Variants in TUBG1 observed in about 807,000 individuals in gnomAD.
The protein encoded by TUBG1 is tubulin gamma-1 chain.
A neutral mutation model predicts 53.3 loss-of-function variants in TUBG1; 22 were observed. That is an observed-to-expected ratio of 0.41 (90% confidence interval 0.29 to 0.59). The LOEUF is 0.59. Among genes scored for constraint, TUBG1 ranks in the 20% least tolerant of loss-of-function variants. The probability of loss-of-function intolerance (pLI) is 0.26; values close to 1 mark genes in which losing one functional copy is unlikely to be tolerated. For synonymous variants in TUBG1, 198 were observed against 236.7 expected (o/e 0.84, Z 1.50); for missense variants, 217 against 598.9 (o/e 0.36, Z 6.66).
Position 42,615,137 on chromosome 17 carries a change from A to C in TUBG1, c.*96A>C. On this transcript the variant is annotated 3_prime_UTR_variant, in exon 11 of 11. Coordinates refer to ENST00000251413, the MANE Select transcript of TUBG1 (RefSeq NM_001070.5). ...AGAGCACAGATCAGGGACCTCACGC[A>C]TCTCTTTCTCATATACATGGACTCT... 8.2e-7 allele frequency: 1 copy of C among 1,214,504 alleles called. No individual in the cohort carries two copies. Among genetic ancestry groups the C allele is most frequent in the Non-Finnish European group, 1.2e-6 (1 of 849,592 alleles). The allele number at this position is 1,214,504 out of a possible 1,614,324, so 75.2% of individuals were successfully genotyped here.
Position 42,614,477 on chromosome 17 carries a change from G to A in TUBG1, c.997-19G>A, listed in dbSNP as rs1233943292. The A allele has an allele frequency of 3.1e-6, 5 of 1,614,040 alleles. No individual in the cohort carries two copies. In the East Asian group the frequency reaches 8.9e-5, roughly 29 times the overall value. On this transcript the variant is annotated intron_variant, in intron 9 of 10. Transcript: ENST00000251413. The surrounding 1 kb of genome is among the most constrained non-coding windows in gnomAD (Gnocchi z 5.1). ...GGGTAGAGGAGAGGCCACCTCCACT[G>A]CTCCTATGCCCACCCCAGGTCCACA...
intron 3 of TUBG1, 24 bp from the exon 4 acceptor site, chr17:42,612,051 T>G: frequency 6.2e-7 from 1 of 1,613,512 alleles, no homozygotes; most frequent in Non-Finnish European, 8.5e-7. Flanking sequence ...TGTCCCACTC[T>G]GACCCTCCCC....
In TUBG1 at chr17:42,614,341, C is replaced by T. The variant is rs1567931872; in HGVS notation, c.925C>T (p.Arg309Ter). 3.7e-6 allele frequency: 6 copies of T among 1,613,902 alleles called. No homozygotes were observed. Among genetic ancestry groups the T allele is most frequent in the Non-Finnish European group, 5.1e-6 (6 of 1,179,848 alleles). The change falls in exon 9 of 11, where the codon CGA becomes TGA. Residue 309 changes from arginine (R) to a stop codon, truncating the protein, a stop_gained. Coordinates refer to ENST00000251413, the MANE Select transcript of TUBG1 (RefSeq NM_001070.5). LOFTEE classifies it high-confidence loss of function. The surrounding 1 kb of genome is among the most constrained non-coding windows in gnomAD (Gnocchi z 5.1). ...CAAGAACGTGATGGTGTCCACAGGCCGAGACCGCCAGACCAACCACTGCTA... is the reference window on the plus strand; with the variant it reads ...CAAGAACGTGATGGTGTCCACAGGCTGAGACCGCCAGACCAACCACTGCTA... Reference protein sequence around the residue: ...QPKNVMVSTGRDRQTNHCYIA... With the variant: ...QPKNVMVSTG
Position 42,613,919 on chromosome 17 carries a change from G to C in TUBG1, c.764G>C (p.Gly255Ala), listed in dbSNP as rs745938758. ...YPGYMNNDLI[G>A]LIASLIPTPR... ...GGCTACATGAACAATGACCTCATCG[G>C]CCTCATCGCCTCGCTCATTCCCACC... Residue 255 changes from glycine to alanine, a missense_variant, in exon 8 of 11, where the codon GGC (glycine) becomes GCC (alanine). Coordinates refer to ENST00000251413, the MANE Select transcript of TUBG1 (RefSeq NM_001070.5). The C allele has an allele frequency of 6.2e-7, 1 of 1,614,134 alleles. No homozygotes were observed. Among genetic ancestry groups the C allele is most frequent in the South Asian group, 1.1e-5 (1 of 91,080 alleles).
rs1488217928 is a variant in TUBG1, at chr17:42,614,099, G to A, written c.843+101G>A. On this transcript the variant is annotated intron_variant, in intron 8 of 10. Transcript: ENST00000251413. The surrounding 1 kb of genome is among the most constrained non-coding windows in gnomAD (Gnocchi z 5.1). ...CCCACTGCCCCAGGAGCTACCCTTT[G>A]TGGACCCCAAGGCGCGGCGCTCAGG... 1.3e-6 allele frequency: 2 copies of A among 1,593,300 alleles called. No homozygotes were observed. The highest frequency in any genetic ancestry group is 1.7e-6 in the Non-Finnish European group (2 of 1,168,922).
In TUBG1 at chr17:42,615,184, T is replaced by G. The variant is rs542017026; in HGVS notation, c.*143T>G. 1.4e-5 allele frequency: 10 copies of G among 707,868 alleles called. No homozygotes were observed. The African/African-American group carries it at 1.8e-4, about 13-fold the overall frequency. 43.8% of individuals were successfully genotyped at this position (707,868 alleles called of 1,614,324 possible). A position where few individuals can be genotyped will look rare whatever the true frequency, so the allele number is the denominator to read the frequency against. On this transcript the variant is annotated 3_prime_UTR_variant, in exon 11 of 11. Transcript: ENST00000251413. ...CTCTCTGTTGGCCTGCAAACACATTTACTTCTCCTCTTATGAGACTATTTA... is the reference window on the plus strand; with the variant it reads ...CTCTCTGTTGGCCTGCAAACACATTGACTTCTCCTCTTATGAGACTATTTA...
Position 42,614,212 on chromosome 17 carries a change from G to C in TUBG1, c.844-48G>C, listed in dbSNP as rs1457887069. On this transcript the variant is annotated intron_variant, in intron 8 of 10. Coordinates refer to ENST00000251413, the MANE Select transcript of TUBG1 (RefSeq NM_001070.5). This position sits in a 1 kb window ranked among gnomAD's most constrained non-coding sequence, Gnocchi z 5.1. ...TTCTGCCAAAGAGAAGCCAAAGGGG[G>C]ACTGTGCCCTGAGCGCTGGCCGGGT... The C allele has an allele frequency of 6.2e-7, 1 of 1,612,576 alleles. No homozygotes were observed.
rs770470291 is a variant in TUBG1 at position 42,614,268 on chromosome 17, C to T, written c.852C>T (p.Ser284=). The T allele has an allele frequency of 6.2e-6, 10 of 1,613,942 alleles. No homozygotes were observed. Among genetic ancestry groups the T allele is most frequent in the East Asian group, 2.2e-5 (1 of 44,878 alleles). The change falls in exon 9 of 11, where the codon AGC becomes AGT. Residue 284 remains serine (S), a synonymous_variant. Transcript: ENST00000251413. The surrounding 1 kb of genome is among the most constrained non-coding windows in gnomAD (Gnocchi z 5.1). ...TCTCACTGTCCTATCAGGTGGCCAG[C>T]GTGAGGAAGACCACGGTCCTGGATG... The part of the protein sequence containing the change: ...TPLTTDQSVA[S]VRKTTVLDVM...
chr17:42,610,617 C>T, intron 3 of TUBG1, 27 bp downstream of exon 3: 11 of 1,614,078 alleles, frequency 6.8e-6, no homozygotes, highest in Non-Finnish European at 9.3e-6. Flanking sequence ...TGGCAGGGCC[C>T]ACAACTCGCT....
chr17:42,615,165 G>T lies in TUBG1; in HGVS notation c.*124G>T. On this transcript the variant is annotated 3_prime_UTR_variant, in exon 11 of 11. Transcript: ENST00000251413. ...TCTTTCTCATATACATGGACTCTCT[G>T]TTGGCCTGCAAACACATTTACTTCT... The T allele has an allele frequency of 1.2e-6, 1 of 862,312 alleles. No homozygotes were observed. The highest frequency in any genetic ancestry group is 1.8e-6 in the Non-Finnish European group (1 of 555,440). 53.4% of individuals were successfully genotyped at this position (862,312 alleles called of 1,614,324 possible).
At chr17:42,613,606 T>C in intron 6 of TUBG1, 41 bp from the exon 7 acceptor site, 2 of 1,613,974 alleles carry the variant, frequency 1.2e-6, no homozygotes, top group Non-Finnish European at 1.7e-6. Context: ...CTCCTGTTTT[T>C]CTTATCCCCA....
At chr17:42,612,014 T>C in intron 3 of TUBG1, 61 bp from the exon 4 acceptor site, 1 of 1,559,292 alleles carries the variant, frequency 6.4e-7, no homozygotes. Flanking sequence ...GGGTGGCTTT[T>C]CTGAGGTCAG....
At chr17:42,613,498 C>T in intron 6 of TUBG1, 149 bp from the exon 7 acceptor site, 1 of 1,134,532 alleles carries the variant, frequency 8.8e-7, no homozygotes. Context: ...ATTTTGAGCC[C>T]TCCTTTGCCC....
intron 6 of TUBG1, 79 bp downstream of exon 6, chr17:42,613,152 A>G (rs1190784080): frequency 6.5e-7 from 1 of 1,541,092 alleles, no homozygotes. Context: ...TCATGTATTT[A>G]AAAAAAATCC....
rs772933395 is a variant in TUBG1, at chr17:42,614,042, C to A, written c.843+44C>A. On this transcript the variant is annotated intron_variant, in intron 8 of 10. Transcript: ENST00000251413. This position sits in a 1 kb window ranked among gnomAD's most constrained non-coding sequence, Gnocchi z 5.1. ...GTCCCAGGCCAGGCCGGCCCTGGGC[C>A]CAACAGGCCCTGTCCTAGCCTTTCT... 1 of 1,613,526 alleles carries A rather than the reference C, an allele frequency of 6.2e-7. No individual in the cohort carries two copies. Among genetic ancestry groups the A allele is most frequent in the African/African-American group, 1.3e-5 (1 of 74,920 alleles).
Position 42,614,049 on chromosome 17 carries a change from G to T in TUBG1, c.843+51G>T, listed in dbSNP as rs2052057067. On this transcript the variant is annotated intron_variant, in intron 8 of 10. Transcript: ENST00000251413. The surrounding 1 kb of genome is among the most constrained non-coding windows in gnomAD (Gnocchi z 5.1). ...GCCAGGCCGGCCCTGGGCCCAACAG[G>T]CCCTGTCCTAGCCTTTCTCTCTTCC... is the stretch of plus-strand genomic sequence containing the variant. 6.2e-7 allele frequency: 1 copy of T among 1,613,144 alleles called. No homozygotes were observed. Among genetic ancestry groups the T allele is most frequent in the African/African-American group, 1.3e-5 (1 of 74,930 alleles).
At chr17:42,611,070 C>G (rs2052028698) in intron 3 of TUBG1, 1 of 152,666 alleles carries the variant, frequency 6.6e-6, no homozygotes, top group African/African-American at 2.4e-5. Flanking sequence ...TGCCCGGGTT[C>G]AAGCGATTCT....
chr17:42,612,669 A>G (rs975147024), intron 5 of TUBG1, among the ~76,000 whole-genome samples, 163 bp downstream of exon 5: 1 of 151,962 alleles, frequency 6.6e-6, no homozygotes, highest in Admixed American at 6.6e-5. Flanking sequence ...ACCCCATCAC[A>G]CTCCCAGTAG....
chr17:42,614,176 C>T lies in TUBG1; in HGVS notation c.844-84C>T. 1 of 1,602,744 alleles carries T rather than the reference C, an allele frequency of 6.2e-7. No homozygotes were observed. Among genetic ancestry groups the T allele is most frequent in the East Asian group, 2.2e-5 (1 of 44,656 alleles). On this transcript the variant is annotated intron_variant, in intron 8 of 10. Coordinates refer to ENST00000251413, the MANE Select transcript of TUBG1 (RefSeq NM_001070.5). The surrounding 1 kb of genome is among the most constrained non-coding windows in gnomAD (Gnocchi z 5.1). ...TGCTGACTTGCTCTCCACCCTCCCT[C>T]TGCCTTTGGCTTCTGCCAAAGAGAA... is the stretch of plus-strand genomic sequence containing the variant.
Sources: gnomAD v4.1 joint callset for allele counts (sites outside exome capture counted in the v4.1 genomes callset) on GRCh38, gnomAD v4.1.1 for gene constraint, Gnocchi (gnomAD v3.1) non-coding constraint, MANE v1.5 for transcripts, NCBI Gene and HGNC (gene_info 2026-07-23, HGNC 2026-07-21) for gene names.